The following AKT3 variants were observed in gnomAD, a reference collection of about 807,000 sequenced individuals.
AKT3 encodes RAC-gamma serine/threonine-protein kinase.
A neutral mutation model predicts 65.3 loss-of-function variants in AKT3; 15 were observed. The ratio of observed to expected loss-of-function variants is 0.23; its 90% confidence interval spans 0.15 to 0.35. The LOEUF is 0.35. Among genes scored for constraint, AKT3 ranks in the 10% least tolerant of loss-of-function variants. AKT3 has a pLI of 1.00. For synonymous variants in AKT3, 206 were observed against 183.8 expected (o/e 1.12, Z -0.98); for missense variants, 243 against 576.5 (o/e 0.42, Z 5.92).
intron 2 of AKT3, among the ~76,000 whole-genome samples, chr1:243,808,981 TGAGA>T (rs1692937049): frequency 6.6e-6 from 1 of 152,140 alleles, no homozygotes. Context: ...AAGTAAATGC[TGAGA>T]GATTTTGTCA....
At chr1:243,611,675 C>A (rs1004406509) in intron 8 of AKT3, among the ~76,000 whole-genome samples, 1 of 111,842 alleles carries the variant, frequency 8.9e-6, no homozygotes, top group Non-Finnish European at 2.3e-5. Context: ...CAGAGCCAGA[C>A]CCCATCTCAA....
chr1:243,492,295 CTTTTTTTTTT>C lies in AKT3; in HGVS notation c.*7-3855_*7-3846del, dbSNP rs33950392. Reference sequence around the variant, plus strand: ...CTCAAGCTCTCGGCTCGTTTCTTGGCTTTTTTTTTTTTTTTTTTTTTTTTGAGACGGAGTC... The same window carrying C: ...CTCAAGCTCTCGGCTCGTTTCTTGGCTTTTTTTTTTTTTTGAGACGGAGTC... On this transcript the variant is annotated intron_variant, in intron 13 of 13. Transcript: ENST00000336199. Among the ~76,000 whole-genome samples, 20 of 63,134 alleles carry C rather than the reference CTTTTTTTTTT, an allele frequency of 3.2e-4. 1 individual carries two copies. The South Asian group carries it at 0.012, about 38-fold the overall frequency. 41.4% of individuals were successfully genotyped at this position (63,134 alleles called of 152,430 possible).
intron 3 of AKT3, among the ~76,000 whole-genome samples, chr1:243,678,511 TTAAATAG>T (rs1489033436): frequency 6.6e-6 from 1 of 152,214 alleles, no homozygotes; most frequent in Non-Finnish European, 1.5e-5. Context: ...AATTTATTTT[TTAAATAG>T]TAACTACTAA....
chr1:243,647,204 C>T (rs1680887255), intron 4 of AKT3, among the ~76,000 whole-genome samples: 1 of 152,192 alleles, frequency 6.6e-6, no homozygotes, highest in Non-Finnish European at 1.5e-5. Flanking sequence ...CACCACATAA[C>T]AATGTTTCAG....
intron 5 of AKT3, among the ~76,000 whole-genome samples, chr1:243,641,669 C>T (rs1680405807): frequency 6.6e-6 from 1 of 152,070 alleles, no homozygotes; most frequent in South Asian, 2.1e-4. Context: ...GGCGTGGTGG[C>T]TCACACCTGT....
chr1:243,533,468 A>G (rs986201411), intron 12 of AKT3, among the ~76,000 whole-genome samples: 2 of 152,238 alleles, frequency 1.3e-5, no homozygotes, highest in Admixed American at 6.5e-5. Context: ...CAATTGTACT[A>G]TCTGTGAAAT....
chr1:243,692,750 T>A (rs1347869065), intron 3 of AKT3, among the ~76,000 whole-genome samples: 1 of 151,958 alleles, frequency 6.6e-6, no homozygotes, highest in Non-Finnish European at 1.5e-5. Flanking sequence ...AAAAAAAATT[T>A]ATGTGTTTTT....
At chr1:243,776,183 C>T (rs926635092) in intron 2 of AKT3, among the ~76,000 whole-genome samples, 1 of 152,150 alleles carries the variant, frequency 6.6e-6, no homozygotes, top group African/African-American at 2.4e-5. Context: ...TAATTTTTCT[C>T]CACTAGCCCA....
chr1:243,778,097 T>C (rs1690672355), intron 2 of AKT3, among the ~76,000 whole-genome samples: 2 of 152,248 alleles, frequency 1.3e-5, no homozygotes, highest in South Asian at 4.1e-4. Flanking sequence ...CTTAGTACAC[T>C]CTCTCTTATG....
intron 12 of AKT3, among the ~76,000 whole-genome samples, chr1:243,523,085 G>A (rs1670822795): frequency 6.6e-6 from 1 of 152,118 alleles, no homozygotes; most frequent in Admixed American, 6.5e-5. Flanking sequence ...CATAGGGGCA[G>A]GCAGCAATTT....
rs1163655353 is a variant in AKT3, at chr1:243,664,825, G to T, written c.231C>A (p.Leu77=). ...TTCTCTCTATAACAGTAGTCCACTGGAGACATCTGATTATAAATGTGTTTG... is the reference window on the plus strand; with the variant it reads ...TTCTCTCTATAACAGTAGTCCACTGTAGACATCTGATTATAAATGTGTTTG... ...PKPNTFIIRC[L]QWTTVIERTF... is the part of the protein sequence containing the mutation. The change falls in exon 4 of 14, where the codon CTC becomes CTA. Residue 77 remains leucine, a synonymous_variant. Transcript: ENST00000673466. 1.3e-6 allele frequency: 2 copies of T among 1,593,886 alleles called. No homozygotes were observed. The highest frequency in any genetic ancestry group is 1.7e-6 in the Non-Finnish European group (2 of 1,171,982).
chr1:243,748,431 T>G (rs1479618709), intron 2 of AKT3, among the ~76,000 whole-genome samples: 1 of 152,088 alleles, frequency 6.6e-6, no homozygotes, highest in Non-Finnish European at 1.5e-5. Context: ...AAAACTATAC[T>G]CACAACTTTG....
At chr1:243,778,848 A>T (rs1690723609) in intron 2 of AKT3, among the ~76,000 whole-genome samples, 1 of 152,030 alleles carries the variant, frequency 6.6e-6, no homozygotes, top group Non-Finnish European at 1.5e-5. Context: ...CAACTATAAC[A>T]TCTTATCTCC....
rs776361820 is a variant in AKT3, at chr1:243,563,711, G to A, written c.948+9C>T. 7.5e-5 allele frequency: 119 copies of A among 1,593,146 alleles called. No homozygotes were observed. Among genetic ancestry groups the A allele is most frequent in the Middle Eastern group, 1.7e-4 (1 of 5,984 alleles). The stretch of plus-strand genomic sequence containing the variant: ...ATGTTACTTTCCTATTAATGGAACC[G>A]AAGCCTACCTCTGGTGCCAGATATT... On this transcript the variant is annotated intron_variant, in intron 10 of 13. Coordinates refer to ENST00000673466, the MANE Select transcript of AKT3 (RefSeq NM_005465.7).
chr1:243,512,687 T>C (rs1670094659), intron 12 of AKT3, among the ~76,000 whole-genome samples: 2 of 152,172 alleles, frequency 1.3e-5, no homozygotes, highest in Admixed American at 6.6e-5. Context: ...GAGAGGGATA[T>C]TGAAAAATCT....
At chr1:243,526,195 G>A (rs1030429894) in intron 12 of AKT3, among the ~76,000 whole-genome samples, 3 of 152,250 alleles carry the variant, frequency 2.0e-5, no homozygotes, top group Admixed American at 6.5e-5. Context: ...TGCAAGCAAA[G>A]CCAGGAGAGG....
intron 2 of AKT3, 28 bp from the exon 3 acceptor site, chr1:243,695,744 G>A: frequency 6.4e-7 from 1 of 1,552,868 alleles, no homozygotes; most frequent in South Asian, 1.2e-5. Context: ...GCATGTTAAT[G>A]CTGAAAAAAA....
At chr1:243,679,478 T>C (rs1166981632) in intron 3 of AKT3, among the ~76,000 whole-genome samples, 1 of 152,228 alleles carries the variant, frequency 6.6e-6, no homozygotes, top group East Asian at 1.9e-4. Flanking sequence ...TGACATTATA[T>C]GTAAAAGCAC....
chr1:243,747,864 A>G (rs1333645723), intron 2 of AKT3, among the ~76,000 whole-genome samples: 1 of 152,238 alleles, frequency 6.6e-6, no homozygotes, highest in Non-Finnish European at 1.5e-5. Context: ...ACCATAATGA[A>G]TAACAAGGAT....
Sources: gnomAD v4.1 joint callset for allele counts (sites outside exome capture counted in the v4.1 genomes callset) on GRCh38, gnomAD v4.1.1 for gene constraint, MANE v1.5 for transcripts, NCBI Gene and HGNC (gene_info 2026-07-23, HGNC 2026-07-21) for gene names.